Variants in BRINP1 observed in about 807,000 individuals in gnomAD.
The protein encoded by BRINP1 is BMP/retinoic acid-inducible neural-specific protein 1.
In BRINP1, 17 loss-of-function variants were observed where a neutral mutation model predicts 72.9. The ratio of observed to expected loss-of-function variants is 0.23; its 90% CI spans 0.16 to 0.35. The LOEUF is 0.35. Among genes scored for constraint, BRINP1 ranks in the 10% least tolerant of loss-of-function variants. BRINP1 has a pLI of 1.00. For synonymous variants in BRINP1, 418 were observed against 378.5 expected (o/e 1.10, Z -1.21); for missense variants, 850 against 1,001.6 (o/e 0.85, Z 2.04).
In BRINP1 at chr9:119,167,961, C is replaced by T. The variant is rs151314025; in HGVS notation, c.1409G>A (p.Arg470Gln). 23 of 1,614,208 alleles carry T rather than the reference C, an allele frequency of 1.4e-5. No homozygotes were observed. Among genetic ancestry groups the T allele is most frequent in the East Asian group, 2.2e-5 (1 of 44,866 alleles). The change falls in exon 8 of 8, where the codon CGG becomes CAG. Residue 470 changes from arginine to glutamine, a missense_variant. Coordinates refer to ENST00000265922, the MANE Select transcript of BRINP1 (RefSeq NM_014618.3). This position sits in a 1 kb window ranked among gnomAD's most constrained non-coding sequence, Gnocchi z 4.3. The part of the protein sequence containing the change: ...RCEPQNVDSE[R>Q]SEQFISFETD... ...CTCAAAGCTGATGAACTGCTCGCTCCGCTCCGAGTCCACGTTCTGTGGTTC... is the reference window on the plus strand; with the variant it reads ...CTCAAAGCTGATGAACTGCTCGCTCTGCTCCGAGTCCACGTTCTGTGGTTC...
intron 4 of BRINP1, among the ~76,000 whole-genome samples, chr9:119,240,256 G>T (rs765963023): frequency 6.6e-6 from 1 of 152,064 alleles, no homozygotes; most frequent in Non-Finnish European, 1.5e-5. Flanking sequence ...GTAACAGAGC[G>T]AGTCTCCATC....
intron 1 of BRINP1, among the ~76,000 whole-genome samples, chr9:119,344,000 C>T (rs189419846): frequency 9.2e-5 from 14 of 152,156 alleles, no homozygotes; most frequent in Non-Finnish European, 2.1e-4. Flanking sequence ...CAATCACAAC[C>T]CTTTTAGTTG....
chr9:119,337,550 C>T (rs1373559272), intron 1 of BRINP1, among the ~76,000 whole-genome samples: 3 of 152,224 alleles, frequency 2.0e-5, no homozygotes, highest in Non-Finnish European at 4.4e-5. Flanking sequence ...TGACTATAGG[C>T]TTACAGGATC....
chr9:119,289,284 T>C (rs1830799585), intron 2 of BRINP1, among the ~76,000 whole-genome samples: 1 of 152,168 alleles, frequency 6.6e-6, no homozygotes, highest in Non-Finnish European at 1.5e-5. Flanking sequence ...AGAAATGCAA[T>C]ACTCAGAAAA....
intron 2 of BRINP1, among the ~76,000 whole-genome samples, chr9:119,292,335 A>G (rs1361187943): frequency 5.3e-5 from 8 of 152,182 alleles, no homozygotes; most frequent in Non-Finnish European, 1.0e-4. Context: ...TAGACACAAA[A>G]CAGAAATAAT....
At chr9:119,231,814 T>C (rs1588171741) in intron 5 of BRINP1, among the ~76,000 whole-genome samples, 2 of 152,236 alleles carry the variant, frequency 1.3e-5, no homozygotes, top group East Asian at 3.9e-4. Context: ...CTCATCATCA[T>C]TCTATCATCG....
intron 2 of BRINP1, among the ~76,000 whole-genome samples, chr9:119,294,113 A>G (rs565131645): frequency 1.3e-5 from 2 of 152,216 alleles, no homozygotes; most frequent in Non-Finnish European, 2.9e-5. Flanking sequence ...ACTATCCAAA[A>G]ATAATGCTAA....
intron 1 of BRINP1, among the ~76,000 whole-genome samples, chr9:119,351,804 CTTTTTATT>C (rs1300453681): frequency 6.8e-6 from 1 of 147,230 alleles, no homozygotes; most frequent in Non-Finnish European, 1.5e-5. Flanking sequence ...GCTTTTTTCT[CTTTTTATT>C]TTTTTATTTT....
chr9:119,232,251 C>G (rs973656476), intron 5 of BRINP1, among the ~76,000 whole-genome samples: 7 of 152,124 alleles, frequency 4.6e-5, no homozygotes, highest in Non-Finnish European at 8.8e-5. Context: ...CACCTCTCAC[C>G]ACCTTCATTG....
At chr9:119,175,256 C>A (rs977297209) in intron 7 of BRINP1, among the ~76,000 whole-genome samples, 2 of 151,530 alleles carry the variant, frequency 1.3e-5, no homozygotes, top group African/African-American at 4.9e-5. Flanking sequence ...ACTCAGCAAA[C>A]TAACAAACAT....
At chr9:119,238,831 G>T in intron 4 of BRINP1, 71 bp from the exon 5 acceptor site, 1 of 1,025,668 alleles carries the variant, frequency 9.7e-7, no homozygotes, top group East Asian at 2.7e-5. Flanking sequence ...AAAGAGTCAT[G>T]CCCCAGCAGA....
chr9:119,361,444 A>G (rs1441928744), intron 1 of BRINP1, among the ~76,000 whole-genome samples: 2 of 152,082 alleles, frequency 1.3e-5, no homozygotes, highest in East Asian at 1.9e-4. Context: ...TAGAATCACT[A>G]TCTCACCACC....
rs140672259 is a variant in BRINP1 at position 119,250,502 on chromosome 9, T to A, written c.219-1352A>T. Among the ~76,000 whole-genome samples the A allele has an allele frequency of 3.0e-3, 457 of 152,322 alleles. 3 individuals carry two copies. Among genetic ancestry groups the A allele is most frequent in the African/African-American group, 0.01 (433 of 41,570 alleles). On this transcript the variant is annotated intron_variant, in intron 2 of 7. Transcript: ENST00000265922. The stretch of plus-strand genomic sequence containing the variant: ...TTCATCTATAAAATTCAATTATCTA[T>A]TTGCTACTGCTGATGCAGGAATTAC...
chr9:119,255,692 G>A (rs1049433281), intron 2 of BRINP1, among the ~76,000 whole-genome samples: 12 of 152,016 alleles, frequency 7.9e-5, no homozygotes, highest in Non-Finnish European at 1.3e-4. Context: ...AGTGGCTCAC[G>A]CTTGTAATCC....
At chr9:119,185,821 C>T (rs538922906) in intron 7 of BRINP1, among the ~76,000 whole-genome samples, 1 of 152,304 alleles carries the variant, frequency 6.6e-6, no homozygotes, top group African/African-American at 2.4e-5. Context: ...AGAAAAGAAG[C>T]CCACGTTGTA....
intron 1 of BRINP1, among the ~76,000 whole-genome samples, chr9:119,330,514 C>A (rs1430245736): frequency 1.3e-5 from 2 of 152,178 alleles, no homozygotes; most frequent in East Asian, 3.9e-4. Flanking sequence ...AGTGAACCCT[C>A]CCATATTTGG....
At position 119,367,223 on chromosome 9, in the gene BRINP1, T is replaced by TTG. The variant is rs1554757527; in HGVS notation, c.-51+1832_-51+1833insCA. ...TGTGTGTGTGTGTGTGTGTGATTGA[T>TTG]ATATATATATATATATATATCTTCC... is the stretch of plus-strand genomic sequence containing the variant. On this transcript the variant is annotated intron_variant, in intron 1 of 7. Transcript: ENST00000265922. Among the ~76,000 whole-genome samples, 238 of 130,246 alleles carry TTG rather than the reference T, an allele frequency of 1.8e-3. 1 individual carries two copies. The highest frequency in any genetic ancestry group is 7.0e-3 in the African/African-American group (218 of 31,248). 85.4% of individuals were successfully genotyped at this position (130,246 alleles called of 152,430 possible). A position where few individuals can be genotyped will look rare whatever the true frequency, so the allele number is the denominator to read the frequency against.
At chr9:119,364,018 CTTT>C (rs139650782) in intron 1 of BRINP1, among the ~76,000 whole-genome samples, 26,285 of 125,480 alleles carry the variant, frequency 0.21, 2,680 homozygotes, top group African/African-American at 0.33. Context: ...TCATCCCTCC[CTTT>C]TTTTTTTTTT....
At chr9:119,219,369 T>A (rs1830014752) in intron 5 of BRINP1, among the ~76,000 whole-genome samples, 1 of 152,188 alleles carries the variant, frequency 6.6e-6, no homozygotes, top group Admixed American at 6.5e-5. Context: ...CATTTTCTTA[T>A]ATGAGGATTA....
Sources: gnomAD v4.1 joint callset for allele counts (sites outside exome capture counted in the v4.1 genomes callset) on GRCh38, gnomAD v4.1.1 for gene constraint, Gnocchi (gnomAD v3.1) non-coding constraint, MANE v1.5 for transcripts, NCBI Gene and HGNC (gene_info 2026-07-23, HGNC 2026-07-21) for gene names.